CCSER1: variants seen among roughly 807,000 people sequenced by gnomAD.
CCSER1 encodes serine-rich coiled-coil domain-containing protein 1.
A neutral mutation model predicts 82.0 loss-of-function variants in CCSER1; 41 were observed. The ratio of observed to expected loss-of-function variants is 0.50; its 90% CI spans 0.39 to 0.65. The LOEUF (loss-of-function observed/expected upper bound fraction) is 0.65, where lower values mean the gene tolerates loss of function less well. Ranked by LOEUF, CCSER1 falls within the 30% of genes least tolerant of loss-of-function variation. The pLI is 0.00. For missense variants in CCSER1, 1,119 were observed against 1,064.2 expected (o/e 1.05, Z -0.72); for synonymous variants, 414 against 383.9 (o/e 1.08, Z -0.92).
At chr4:90,570,265 G>C (rs912235708) in intron 5 of CCSER1, among the ~76,000 whole-genome samples, 2 of 152,124 alleles carry the variant, frequency 1.3e-5, no homozygotes, top group African/African-American at 4.8e-5. Flanking sequence ...ATGACTCTGC[G>C]ATCTAGGCTT....
At chr4:90,493,837 C>T (rs1172313278) in intron 5 of CCSER1, among the ~76,000 whole-genome samples, 2 of 152,196 alleles carry the variant, frequency 1.3e-5, no homozygotes, top group African/African-American at 4.8e-5. Context: ...ACCATCAAGG[C>T]TAGGAAGAAA....
chr4:90,620,220 T>C (rs1048969901), intron 5 of CCSER1, among the ~76,000 whole-genome samples: 3 of 152,090 alleles, frequency 2.0e-5, no homozygotes, highest in African/African-American at 7.2e-5. Context: ...CTAGCTTCAG[T>C]GAAAATAGAA....
chr4:91,302,960 T>C (rs1485034844), intron 10 of CCSER1, among the ~76,000 whole-genome samples: 1 of 152,030 alleles, frequency 6.6e-6, no homozygotes, highest in African/African-American at 2.4e-5. Context: ...CAACAAGGAC[T>C]TTTTCTGGTT....
At chr4:90,267,438 C>G (rs1249146883) in intron 1 of CCSER1, among the ~76,000 whole-genome samples, 1 of 152,114 alleles carries the variant, frequency 6.6e-6, no homozygotes, top group Non-Finnish European at 1.5e-5. Context: ...CAGAAAAGAA[C>G]ACAAATCTGG....
At chr4:90,517,456 G>A (rs748813838) in intron 5 of CCSER1, among the ~76,000 whole-genome samples, 1 of 152,064 alleles carries the variant, frequency 6.6e-6, no homozygotes, top group Non-Finnish European at 1.5e-5. Context: ...TAAGTAGATA[G>A]GTGTTGGTGC....
intron 6 of CCSER1, among the ~76,000 whole-genome samples, chr4:90,690,292 A>T (rs1376567616): frequency 6.6e-6 from 1 of 152,158 alleles, no homozygotes; most frequent in Non-Finnish European, 1.5e-5. Flanking sequence ...ACACTTGAGT[A>T]GAAAAATGAA....
chr4:90,336,004 A>G (rs1043108592), intron 3 of CCSER1, among the ~76,000 whole-genome samples: 11 of 152,242 alleles, frequency 7.2e-5, no homozygotes, highest in African/African-American at 2.7e-4. Context: ...TTTCTATGCC[A>G]TGGATACACT....
At chr4:90,285,274 G>T (rs543187930) in intron 1 of CCSER1, among the ~76,000 whole-genome samples, 10 of 151,982 alleles carry the variant, frequency 6.6e-5, no homozygotes, top group Non-Finnish European at 1.2e-4. Flanking sequence ...TCTAATTCAT[G>T]AACATGGAAT....
chr4:91,084,195 G>T (rs28668272), intron 9 of CCSER1, among the ~76,000 whole-genome samples: 28,542 of 151,982 alleles, frequency 0.19, 2,966 homozygotes, highest in Admixed American at 0.26. Flanking sequence ...GCCTCCCAAA[G>T]TGTAGAGATT....
chr4:91,490,452 GGAC>G (rs1445221971), intron 10 of CCSER1, among the ~76,000 whole-genome samples: 16 of 151,904 alleles, frequency 1.1e-4, no homozygotes, highest in Admixed American at 1.1e-3. Context: ...AACATAGATG[GGAC>G]TGGAGGACAT....
chr4:90,162,684 C>T (rs1729678337), intron 1 of CCSER1, among the ~76,000 whole-genome samples: 1 of 151,996 alleles, frequency 6.6e-6, no homozygotes, highest in Non-Finnish European at 1.5e-5. Flanking sequence ...CATAAATAAG[C>T]TAAATTAATT....
At chr4:91,232,337 C>G (rs989195149) in intron 10 of CCSER1, among the ~76,000 whole-genome samples, 11 of 151,906 alleles carry the variant, frequency 7.2e-5, no homozygotes, top group Middle Eastern at 6.8e-3. Flanking sequence ...TATCCACTGA[C>G]AGGGGACTTT....
At chr4:91,419,901 T>C (rs1753595567) in intron 10 of CCSER1, among the ~76,000 whole-genome samples, 1 of 151,908 alleles carries the variant, frequency 6.6e-6, no homozygotes, top group South Asian at 2.1e-4. Flanking sequence ...AACCCACACA[T>C]ATATAGTCAA....
chr4:90,144,974 C>T (rs17016560), intron 1 of CCSER1, among the ~76,000 whole-genome samples: 42,850 of 151,846 alleles, frequency 0.28, 7,645 homozygotes, highest in East Asian at 0.65. Context: ...CAAAATTTTA[C>T]GACCATTATT....
intron 10 of CCSER1, among the ~76,000 whole-genome samples, chr4:91,447,027 C>T (rs1387715125): frequency 6.6e-6 from 1 of 152,006 alleles, no homozygotes; most frequent in African/African-American, 2.4e-5. Flanking sequence ...GGCTTTAGCA[C>T]AGGGACATGG....
chr4:91,081,586 T>C (rs1051162690), intron 9 of CCSER1, among the ~76,000 whole-genome samples: 2 of 152,008 alleles, frequency 1.3e-5, no homozygotes, highest in Non-Finnish European at 2.9e-5. Flanking sequence ...GAGAAAGAAA[T>C]AAAGGGTATT....
Position 91,482,054 on chromosome 4 carries a change from A to G in CCSER1, c.2218-116518A>G, listed in dbSNP as rs113749104. On this transcript the variant is annotated intron_variant, in intron 10 of 10. Coordinates refer to ENST00000509176, the MANE Select transcript of CCSER1 (RefSeq NM_001145065.2). The stretch of plus-strand genomic sequence containing the variant: ...ATCACTGGCGATCAGAGAGATGCAA[A>G]TCAAAACCATGATGAGATACCATCT... Among the ~76,000 whole-genome samples the G allele has an allele frequency of 1.5e-3, 234 of 151,056 alleles. 1 individual carries two copies. Among genetic ancestry groups the G allele is most frequent in the African/African-American group, 5.4e-3 (222 of 41,358 alleles).
At chr4:91,321,028 C>T (rs1197817523) in intron 10 of CCSER1, among the ~76,000 whole-genome samples, 1 of 151,926 alleles carries the variant, frequency 6.6e-6, no homozygotes, top group Non-Finnish European at 1.5e-5. Flanking sequence ...TTTACCTTGT[C>T]TTATATTTCA....
At chr4:90,958,954 T>A (rs1301789579) in intron 9 of CCSER1, among the ~76,000 whole-genome samples, 1 of 152,186 alleles carries the variant, frequency 6.6e-6, no homozygotes, top group African/African-American at 2.4e-5. Flanking sequence ...AACAGGAGTC[T>A]CATGCAAATT....
Sources: allele counts gnomAD v4.1 joint callset (sites outside exome capture counted in the v4.1 genomes callset), GRCh38; gene constraint gnomAD v4.1.1; transcripts MANE v1.5; gene names NCBI Gene and HGNC (gene_info 2026-07-23, HGNC 2026-07-21).